Variants in ATP8B4 observed in about 807,000 individuals in gnomAD.
ATP8B4 encodes ATPase phospholipid transporting 8B4 (putative).
In ATP8B4, 133 loss-of-function variants were observed where a neutral mutation model predicts 145.6. The observed-to-expected ratio is 0.91, with a 90% confidence interval of 0.79 to 1.05. The LOEUF (loss-of-function observed/expected upper bound fraction) is 1.05, where lower values mean the gene tolerates loss of function less well. ATP8B4 is among the 50% of genes least tolerant of loss of function. ATP8B4 has a pLI of 0.00. For missense variants in ATP8B4, 1,458 were observed against 1,425.2 expected, an observed-to-expected ratio of 1.02 and a Z score of -0.37; for synonymous variants, 507 against 492.9, an observed-to-expected ratio of 1.03 and a Z score of -0.38.
chr15:50,000,569 T>G (rs1425683603), intron 8 of ATP8B4, among the ~76,000 whole-genome samples: 1 of 152,156 alleles, frequency 6.6e-6, no homozygotes, highest in Non-Finnish European at 1.5e-5. Context: ...TATTGAGTTT[T>G]AAGAAGTTTT....
chr15:50,167,921 G>T (rs2044617910), intron 1 of ATP8B4, among the ~76,000 whole-genome samples: 1 of 152,060 alleles, frequency 6.6e-6, no homozygotes, highest in Non-Finnish European at 1.5e-5. Context: ...TGCTCGGTAG[G>T]CCATAATTAA....
intron 1 of ATP8B4, among the ~76,000 whole-genome samples, chr15:50,172,188 G>A (rs903357379): frequency 6.6e-6 from 1 of 152,160 alleles, no homozygotes; most frequent in Non-Finnish European, 1.5e-5. Flanking sequence ...TCCCTCTGAT[G>A]CCGAGCGGAG....
intron 20 of ATP8B4, among the ~76,000 whole-genome samples, chr15:49,910,243 A>G (rs1376981589): frequency 1.3e-5 from 2 of 152,200 alleles, no homozygotes; most frequent in African/African-American, 4.8e-5. Flanking sequence ...AGACTAGATC[A>G]AGAAGAAGAG....
intron 1 of ATP8B4, among the ~76,000 whole-genome samples, chr15:50,161,981 A>T (rs2044526462): frequency 6.6e-6 from 1 of 152,126 alleles, no homozygotes; most frequent in Non-Finnish European, 1.5e-5. Context: ...TCTCAGCATT[A>T]GTTTGTCTTG....
intron 3 of ATP8B4, among the ~76,000 whole-genome samples, chr15:50,050,627 A>G (rs1003561696): frequency 1.3e-5 from 2 of 152,124 alleles, no homozygotes; most frequent in Admixed American, 6.5e-5. Flanking sequence ...ACATTAAAAA[A>G]AAAACAGGCT....
intron 2 of ATP8B4, among the ~76,000 whole-genome samples, chr15:50,104,956 TGGATG>T (rs1269651762): frequency 6.6e-6 from 1 of 151,852 alleles, no homozygotes; most frequent in Non-Finnish European, 1.5e-5. Flanking sequence ...TGCAGCAACC[TGGATG>T]GAATTGGAGA....
intron 1 of ATP8B4, among the ~76,000 whole-genome samples, chr15:50,168,387 C>T (rs1002578905): frequency 6.6e-6 from 1 of 152,002 alleles, no homozygotes; most frequent in Non-Finnish European, 1.5e-5. Flanking sequence ...GAAAGGTAGA[C>T]CCTCCTCTCT....
intron 1 of ATP8B4, among the ~76,000 whole-genome samples, chr15:50,126,022 G>T (rs2057304740): frequency 6.6e-6 from 1 of 152,154 alleles, no homozygotes; most frequent in Admixed American, 6.5e-5. Flanking sequence ...TAGTGGAAGA[G>T]AAAATAGTTG....
At chr15:50,121,237 T>C (rs1280652481), upstream of ATP8B4, among the ~76,000 whole-genome samples, 1 of 152,094 alleles carries the variant, frequency 6.6e-6, no homozygotes, top group African/African-American at 2.4e-5. Flanking sequence ...TCATGAATAA[T>C]GAATAATGTC....
chr15:50,118,926 C>T (rs28699209), intron 1 of ATP8B4, among the ~76,000 whole-genome samples, 197 bp downstream of exon 1: 2,987 of 152,222 alleles, frequency 0.02, 103 homozygotes, highest in African/African-American at 0.068. Flanking sequence ...TCACATCTCC[C>T]ATTTCCAACT....
At chr15:49,966,142 G>A (rs531542890) in intron 13 of ATP8B4, among the ~76,000 whole-genome samples, 7 of 152,314 alleles carry the variant, frequency 4.6e-5, no homozygotes, top group Non-Finnish European at 8.8e-5. Context: ...GGAGATTCCC[G>A]CAGGTGCCTA....
At chr15:50,133,827 C>T (rs2044083599) in intron 1 of ATP8B4, among the ~76,000 whole-genome samples, 1 of 152,060 alleles carries the variant, frequency 6.6e-6, no homozygotes, top group Non-Finnish European at 1.5e-5. Flanking sequence ...AAATCTTAAG[C>T]ATTCTCTCCA....
intron 14 of ATP8B4, among the ~76,000 whole-genome samples, chr15:49,942,669 C>T (rs773891042): frequency 2.1e-4 from 32 of 151,174 alleles, no homozygotes; most frequent in Non-Finnish European, 3.5e-4. Flanking sequence ...CTAAAAAATA[C>T]AAAAAATTAG....
chr15:50,142,108 G>A (rs2153679928), intron 1 of ATP8B4, among the ~76,000 whole-genome samples: 1 of 152,288 alleles, frequency 6.6e-6, no homozygotes, highest in South Asian at 2.1e-4. Context: ...GGAATGCTGA[G>A]AAATATAACT....
intron 25 of ATP8B4, among the ~76,000 whole-genome samples, chr15:49,872,375 G>T (rs2153387256): frequency 6.6e-6 from 1 of 152,178 alleles, no homozygotes; most frequent in East Asian, 1.9e-4. Context: ...TCCTCTAGGA[G>T]GTAAAAGTTA....
intron 25 of ATP8B4, among the ~76,000 whole-genome samples, chr15:49,867,771 G>T (rs544540860): frequency 6.6e-6 from 1 of 152,072 alleles, no homozygotes; most frequent in African/African-American, 2.4e-5. Context: ...ATAAGACCCC[G>T]TAAGAAGATG....
intron 5 of ATP8B4, among the ~76,000 whole-genome samples, chr15:50,041,057 G>A (rs566898698): frequency 1.3e-5 from 2 of 152,334 alleles, no homozygotes; most frequent in African/African-American, 4.8e-5. Context: ...TAAGGTGGTA[G>A]GATAGTAAGG....
chr15:50,141,606 T>C lies in ATP8B4; in HGVS notation c.-42-34598A>G, dbSNP rs1270705523. Among the ~76,000 whole-genome samples, 6 of 152,292 alleles carry C rather than the reference T, an allele frequency of 3.9e-5. No homozygotes were observed. In the East Asian group the frequency reaches 1.2e-3, roughly 29 times the overall value. Reference sequence around the variant, plus strand: ...CGATCTTCCATGAGAGGAAGATATGTAAACAGGTGATTTATACACACATTG... The same window carrying C: ...CGATCTTCCATGAGAGGAAGATATGCAAACAGGTGATTTATACACACATTG... On this transcript the variant is annotated intron_variant, in intron 1 of 3. Transcript: ENST00000558829.
chr15:50,077,156 T>A (rs967607093), intron 2 of ATP8B4, among the ~76,000 whole-genome samples: 1 of 152,216 alleles, frequency 6.6e-6, no homozygotes, highest in Non-Finnish European at 1.5e-5. Flanking sequence ...TGCACAATTA[T>A]CACTGAATTT....
Sources: allele counts gnomAD v4.1 joint callset (sites outside exome capture counted in the v4.1 genomes callset), GRCh38; gene constraint gnomAD v4.1.1; transcripts MANE v1.5; gene names NCBI Gene and HGNC (gene_info 2026-07-23, HGNC 2026-07-21).